SGCD: variants seen among roughly 807,000 people sequenced by gnomAD.
SGCD encodes delta-sarcoglycan.
Under a neutral mutation model 36.6 loss-of-function variants are expected in SGCD, and 18 were observed. That is an observed-to-expected ratio of 0.49 (90% CI 0.34 to 0.73). The LOEUF (loss-of-function observed/expected upper bound fraction) is 0.73, where lower values mean the gene tolerates loss of function less well. Among genes scored for constraint, SGCD ranks in the 30% least tolerant of loss-of-function variants. The pLI, the probability that SGCD is intolerant of heterozygous loss-of-function variation, is 0.01. For missense variants in SGCD, 387 were observed against 346.7 expected, an observed-to-expected ratio of 1.12 and a Z score of -0.92; for synonymous variants, 133 against 130.6, an observed-to-expected ratio of 1.02 and a Z score of -0.12.
At chr5:155,774,895 A>G in the SGCD span, among the ~76,000 whole-genome samples, 2 of 152,134 alleles carry the variant, frequency 1.3e-5, no homozygotes, top group African/African-American at 4.8e-5. Context: ...CAGTTTATGC[A>G]TCCATAAACT....
At chr5:156,345,634 T>C (rs1297523110) in intron 3 of SGCD, among the ~76,000 whole-genome samples, 2 of 152,092 alleles carry the variant, frequency 1.3e-5, no homozygotes, top group African/African-American at 4.8e-5. Context: ...AAGATCAGCC[T>C]GGGAAACATA....
At chr5:155,772,209 C>T in the SGCD span, among the ~76,000 whole-genome samples, 2 of 152,126 alleles carry the variant, frequency 1.3e-5, no homozygotes, top group Non-Finnish European at 2.9e-5. Flanking sequence ...AATTCACTCT[C>T]ACATATAAGG....
At position 156,373,930 on chromosome 5, in the gene SGCD, A is replaced by T. The variant is rs115763073; in HGVS notation, c.192+29253A>T. On this transcript the variant is annotated intron_variant, in intron 3 of 8. Coordinates refer to ENST00000337851, the MANE Select transcript of SGCD (RefSeq NM_000337.6). The stretch of plus-strand genomic sequence containing the variant: ...CCAGACTGTGCTGTGTGGGTGACGA[A>T]ATAGAAACAAAGACCTTAGATGCCT... Among the ~76,000 whole-genome samples the T allele has an allele frequency of 8.8e-3, 1,343 of 152,314 alleles. 7 individuals carry two copies. The highest frequency in any genetic ancestry group is 0.015 in the Non-Finnish European group (1,002 of 68,022).
intron 3 of SGCD, among the ~76,000 whole-genome samples, chr5:156,357,386 C>G (rs1580867325): frequency 6.6e-6 from 1 of 152,142 alleles, no homozygotes; most frequent in Non-Finnish European, 1.5e-5. Context: ...TTTTAATTTT[C>G]TCTGAAAACA....
At chr5:155,907,647 T>C (rs1471146762) in intron 1 of SGCD, among the ~76,000 whole-genome samples, 1 of 152,134 alleles carries the variant, frequency 6.6e-6, no homozygotes, top group Non-Finnish European at 1.5e-5. Context: ...AGCCAGAAGA[T>C]GTGACTGAAT....
chr5:156,103,218 G>A (rs1761563023), intron 1 of SGCD, among the ~76,000 whole-genome samples: 1 of 152,140 alleles, frequency 6.6e-6, no homozygotes, highest in Admixed American at 6.5e-5. Context: ...TGGATGAAGA[G>A]TAATGTCTAA....
In SGCD at chr5:156,489,288, G is replaced by A. The variant is rs575403520; in HGVS notation, c.193-19313G>A. Among the ~76,000 whole-genome samples, 6 of 152,032 alleles carry A rather than the reference G, an allele frequency of 3.9e-5. No homozygotes were observed. The East Asian group carries it at 1.2e-3, about 29-fold the overall frequency. The stretch of plus-strand genomic sequence containing the variant: ...TAGACTCCTATACAGTAATAGTTGG[G>A]GACTTCAACACTGCTCTCAGCGTTG... On this transcript the variant is annotated intron_variant, in intron 3 of 8. Transcript: ENST00000337851.
chr5:156,702,329 T>G (rs1461977866), intron 7 of SGCD, among the ~76,000 whole-genome samples: 1 of 152,160 alleles, frequency 6.6e-6, no homozygotes, highest in African/African-American at 2.4e-5. Context: ...CTAGTCTTCC[T>G]TAACAAGTCC....
the SGCD span, among the ~76,000 whole-genome samples, chr5:155,753,750 C>T: frequency 3.9e-5 from 6 of 152,056 alleles, no homozygotes; most frequent in African/African-American, 1.4e-4. Flanking sequence ...AGTTCTCAAT[C>T]GTGTAGGGAT....
At chr5:155,974,736 A>G (rs1758075393) in intron 1 of SGCD, among the ~76,000 whole-genome samples, 1 of 152,044 alleles carries the variant, frequency 6.6e-6, no homozygotes, top group Admixed American at 6.5e-5. Context: ...CTTAAACAGC[A>G]CAGATGGCAT....
chr5:155,935,305 T>G lies in SGCD; in HGVS notation c.-282+64881T>G, dbSNP rs184301248. Among the ~76,000 whole-genome samples, 8 of 152,348 alleles carry G rather than the reference T, an allele frequency of 5.3e-5. No individual in the cohort carries two copies. The East Asian group carries it at 1.3e-3, about 26-fold the overall frequency. On this transcript the variant is annotated intron_variant, in intron 1 of 9. Transcript: ENST00000517913. ...TTCATTAATTAGTGTGTTACTGAATTCATTTATTCAAAACGTATTTGTTGA... is the reference window on the plus strand; with the variant it reads ...TTCATTAATTAGTGTGTTACTGAATGCATTTATTCAAAACGTATTTGTTGA...
chr5:155,954,618 C>A (rs1376599324), intron 1 of SGCD, among the ~76,000 whole-genome samples: 2 of 148,502 alleles, frequency 1.3e-5, no homozygotes, highest in African/African-American at 2.5e-5. Context: ...CAAGGCATGG[C>A]TTTTTTGTCT....
the SGCD span, among the ~76,000 whole-genome samples, chr5:155,857,529 G>A: frequency 6.2e-3 from 943 of 152,210 alleles, 7 homozygotes; most frequent in African/African-American, 0.022. Context: ...AAAGGAGCCA[G>A]ACAAAATAAA....
intron 7 of SGCD, among the ~76,000 whole-genome samples, chr5:156,675,935 C>G (rs962137167): frequency 6.6e-6 from 1 of 152,108 alleles, no homozygotes; most frequent in African/African-American, 2.4e-5. Context: ...TCAGACCAAG[C>G]AGAAAATCTC....
intron 3 of SGCD, among the ~76,000 whole-genome samples, chr5:156,189,703 G>A (rs187407007): frequency 1.9e-3 from 282 of 152,250 alleles, no homozygotes; most frequent in African/African-American, 5.3e-3. Flanking sequence ...AAAAAAAGAC[G>A]TAAAGCATTG....
At chr5:156,532,643 A>G (rs1757934536) in intron 4 of SGCD, among the ~76,000 whole-genome samples, 3 of 151,964 alleles carry the variant, frequency 2.0e-5, no homozygotes, top group South Asian at 2.1e-4. Flanking sequence ...TTATTTTTTT[A>G]GTTGAGACAG....
At chr5:156,586,726 A>G (rs1412208318) in intron 4 of SGCD, among the ~76,000 whole-genome samples, 1 of 152,220 alleles carries the variant, frequency 6.6e-6, no homozygotes, top group East Asian at 1.9e-4. Flanking sequence ...TCACTTTGAC[A>G]TATCCCTATG....
intron 3 of SGCD, among the ~76,000 whole-genome samples, chr5:156,479,510 G>A (rs1416528326): frequency 1.3e-5 from 2 of 152,012 alleles, no homozygotes; most frequent in Admixed American, 6.5e-5. Flanking sequence ...TAAGCTCATG[G>A]GCCCAACCTC....
Position 156,595,000 on chromosome 5 carries a change from T to G in SGCD, c.451T>G (p.Ser151Ala), listed in dbSNP as rs121909298. 2.2e-4 allele frequency: 360 copies of G among 1,612,572 alleles called. No homozygotes were observed. Among genetic ancestry groups the G allele is most frequent in the South Asian group, 5.4e-4 (49 of 90,986 alleles). The part of the protein sequence containing the change: ...VKTVSGKLLF[S>A]ADNNEVVVGA... The stretch of plus-strand genomic sequence containing the variant: ...AACTGTTTCTGGAAAATTGCTCTTC[T>G]CTGCAGACAATAATGAAGTGGTAGT... The change falls in exon 6 of 9, where the codon TCT becomes GCT. Residue 151 changes from serine to alanine, a missense_variant. By Grantham distance (99) the Ser-to-Ala change is moderately conservative. Transcript: ENST00000337851.
Sources: gnomAD v4.1 joint callset for allele counts (sites outside exome capture counted in the v4.1 genomes callset) on GRCh38, gnomAD v4.1.1 for gene constraint, MANE v1.5 for transcripts, NCBI Gene and HGNC (gene_info 2026-07-23, HGNC 2026-07-21) for gene names.